The following KSR2 variants were observed in gnomAD, a reference collection of about 807,000 sequenced individuals.
KSR2 encodes the protein kinase suppressor of ras 2.
In KSR2, 25 loss-of-function variants were observed where a neutral mutation model predicts 107.8. The observed-to-expected ratio is 0.23, with a 90% CI of 0.17 to 0.32. The LOEUF (loss-of-function observed/expected upper bound fraction) is 0.32. Among genes scored for constraint, KSR2 ranks in the 10% least tolerant of loss-of-function variants. The pLI, the probability that KSR2 is intolerant of heterozygous loss-of-function variation, is 1.00. For missense variants in KSR2, 887 were observed against 1,268.9 expected (o/e 0.70, Z 4.57); for synonymous variants, 480 against 507.0 (o/e 0.95, Z 0.71).
At chr12:117,538,391 G>C (rs975927004) in intron 10 of KSR2, among the ~76,000 whole-genome samples, 1 of 152,136 alleles carries the variant, frequency 6.6e-6, no homozygotes, top group Non-Finnish European at 1.5e-5. Context: ...TCAAAACAGT[G>C]TGGGCAGGTG....
chr12:117,968,309 G>GGGT lies in KSR2; in HGVS notation c.-55_-54insACC. 1.4e-6 allele frequency: 2 copies of GGGT among 1,456,086 alleles called. No individual in the cohort carries two copies. The highest frequency in any genetic ancestry group is 1.4e-5 in the South Asian group (1 of 69,584). 90.2% of individuals were successfully genotyped at this position (1,456,086 alleles called of 1,614,324 possible). A position where few individuals can be genotyped will look rare whatever the true frequency, so the allele number is the denominator to read the frequency against. On this transcript the variant is annotated 5_prime_UTR_variant, in exon 1 of 20. Coordinates refer to ENST00000339824, the MANE Select transcript of KSR2 (RefSeq NM_173598.6). ...TCCTCCTCCCAGAGAGAAAAAAGAGGGGGGGGAGTAGAGGTAGTCTACCCT... is the reference window on the plus strand; with the variant it reads ...TCCTCCTCCCAGAGAGAAAAAAGAGGGGTGGGGGGAGTAGAGGTAGTCTACCCT...
At chr12:117,852,292 G>T (rs1255394789) in intron 3 of KSR2, among the ~76,000 whole-genome samples, 1 of 151,966 alleles carries the variant, frequency 6.6e-6, no homozygotes, top group African/African-American at 2.4e-5. Flanking sequence ...GCTGGGCGTG[G>T]TGGCATGCAC....
chr12:117,537,645 T>C (rs577697423), intron 10 of KSR2, among the ~76,000 whole-genome samples: 21 of 152,318 alleles, frequency 1.4e-4, no homozygotes, highest in African/African-American at 4.8e-4. Flanking sequence ...CTAAGCAGCT[T>C]GGCTGCAGAA....
At chr12:117,645,490 T>C (rs944419300) in intron 5 of KSR2, among the ~76,000 whole-genome samples, 1 of 152,188 alleles carries the variant, frequency 6.6e-6, no homozygotes, top group Non-Finnish European at 1.5e-5. Context: ...GGGAAAGAAG[T>C]TAGCTAAGTA....
At chr12:117,964,017 T>C (rs2137617327) in intron 1 of KSR2, among the ~76,000 whole-genome samples, 1 of 152,314 alleles carries the variant, frequency 6.6e-6, no homozygotes, top group Non-Finnish European at 1.5e-5. Context: ...CCGGGTGCAG[T>C]GGCTCACGCC....
chr12:117,920,191 C>A (rs866275417), intron 1 of KSR2, among the ~76,000 whole-genome samples: 26 of 152,274 alleles, frequency 1.7e-4, no homozygotes, highest in Middle Eastern at 3.4e-3. Context: ...CTTGACCTCC[C>A]AAGCTCAAAT....
chr12:117,559,546 G>T (rs1877963305), intron 7 of KSR2, among the ~76,000 whole-genome samples: 1 of 152,124 alleles, frequency 6.6e-6, no homozygotes, highest in Admixed American at 6.5e-5. Flanking sequence ...CCAGGGTCAG[G>T]GGTCCCAAAG....
intron 16 of KSR2, among the ~76,000 whole-genome samples, chr12:117,478,419 CA>C (rs1871936071): frequency 6.6e-6 from 1 of 151,254 alleles, no homozygotes; most frequent in South Asian, 2.1e-4. Flanking sequence ...CTAAACTTTT[CA>C]TTTTTTTTTT....
At chr12:117,542,143 C>G (rs1204671452) in intron 9 of KSR2, among the ~76,000 whole-genome samples, 1 of 151,960 alleles carries the variant, frequency 6.6e-6, no homozygotes, top group Non-Finnish European at 1.5e-5. Flanking sequence ...CCTCCCCCCT[C>G]AGCCTCCCAA....
chr12:117,564,678 G>C lies in KSR2; in HGVS notation c.1326-6105C>G, dbSNP rs147858491. ...AATATGTGAATTTATCTTGAGGGCA[G>C]AATCTAGGTCTCCCTCATGTGCTAC... is the stretch of plus-strand genomic sequence containing the variant. On this transcript the variant is annotated intron_variant, in intron 7 of 19. Coordinates refer to ENST00000339824, the MANE Select transcript of KSR2 (RefSeq NM_173598.6). Among the ~76,000 whole-genome samples, 6 of 152,298 alleles carry C rather than the reference G, an allele frequency of 3.9e-5. No individual in the cohort carries two copies. The East Asian group carries it at 1.2e-3, about 29-fold the overall frequency.
intron 9 of KSR2, among the ~76,000 whole-genome samples, chr12:117,542,244 G>C (rs1876549050): frequency 6.6e-6 from 1 of 152,194 alleles, no homozygotes; most frequent in South Asian, 2.1e-4. Flanking sequence ...CTGTTGTGAA[G>C]TTTAAATGAG....
intron 10 of KSR2, among the ~76,000 whole-genome samples, chr12:117,537,931 T>G (rs1165874008): frequency 6.6e-6 from 1 of 152,184 alleles, no homozygotes; most frequent in African/African-American, 2.4e-5. Context: ...GGTCCTTTTG[T>G]GCACAGTTCT....
intron 5 of KSR2, among the ~76,000 whole-genome samples, chr12:117,665,666 T>C (rs1053608398): frequency 7.2e-5 from 11 of 152,196 alleles, no homozygotes; most frequent in African/African-American, 2.7e-4. Flanking sequence ...AAAGCCACCA[T>C]TTATTATGCA....
intron 1 of KSR2, among the ~76,000 whole-genome samples, chr12:117,936,915 G>A (rs1264430697): frequency 6.6e-6 from 1 of 152,150 alleles, no homozygotes; most frequent in East Asian, 1.9e-4. Context: ...AAAACAGAAG[G>A]GTGGTGTCTG....
At chr12:117,622,908 G>C (rs1264292550) in intron 5 of KSR2, among the ~76,000 whole-genome samples, 2 of 152,152 alleles carry the variant, frequency 1.3e-5, no homozygotes, top group Non-Finnish European at 2.9e-5. Context: ...TGTTGGGTCT[G>C]GGAGAAAGAC....
intron 5 of KSR2, among the ~76,000 whole-genome samples, chr12:117,601,523 T>G (rs1880955442): frequency 6.6e-6 from 1 of 151,872 alleles, no homozygotes; most frequent in Admixed American, 6.6e-5. Flanking sequence ...GGAACACAGA[T>G]AGGGAGAACA....
At position 117,842,281 on chromosome 12, in the gene KSR2, G is replaced by T. The variant is rs1199636644; in HGVS notation, c.472+13147C>A. Among the ~76,000 whole-genome samples the T allele has an allele frequency of 6.6e-6, 1 of 152,130 alleles. No individual in the cohort carries two copies. Among genetic ancestry groups the T allele is most frequent in the East Asian group, 1.9e-4 (1 of 5,196 alleles). ...TAGAGAGTGGCCAGGATGGAAGTGG[G>T]ACTCTGAGAAGCTGGCAGTTGGGCT... On this transcript the variant is annotated intron_variant, in intron 3 of 19. Transcript: ENST00000339824. This position sits in a 1 kb window ranked among gnomAD's most constrained non-coding sequence, Gnocchi z 4.2.
At chr12:117,600,707 GGT>G (rs1315410067) in intron 5 of KSR2, among the ~76,000 whole-genome samples, 1 of 152,184 alleles carries the variant, frequency 6.6e-6, no homozygotes, top group African/African-American at 2.4e-5. Context: ...AAGGCTGAAA[GGT>G]GTTTTCATGG....
At chr12:117,587,557 T>C (rs1880078245) in intron 5 of KSR2, among the ~76,000 whole-genome samples, 1 of 152,168 alleles carries the variant, frequency 6.6e-6, no homozygotes. Context: ...AACTGTAAGA[T>C]AATAAATCTG....
Sources: gnomAD v4.1 joint callset for allele counts (sites outside exome capture counted in the v4.1 genomes callset) on GRCh38, gnomAD v4.1.1 for gene constraint, Gnocchi (gnomAD v3.1) non-coding constraint, MANE v1.5 for transcripts, NCBI Gene and HGNC (gene_info 2026-07-23, HGNC 2026-07-21) for gene names.